Variants in PRRC1 observed in about 807,000 individuals in gnomAD.
PRRC1 encodes the protein proline rich coiled-coil 1, also known as protein PRRC1.
A neutral mutation model predicts 40.7 loss-of-function variants in PRRC1; 39 were observed. The ratio of observed to expected loss-of-function variants is 0.96; its 90% CI spans 0.74 to 1.25. The LOEUF (loss-of-function observed/expected upper bound fraction) is 1.25, where lower values mean the gene tolerates loss of function less well. PRRC1 is among the 50% of genes most tolerant of loss of function. The probability of loss-of-function intolerance (pLI) is 0.00; values close to 1 mark genes in which losing one functional copy is unlikely to be tolerated. For missense variants in PRRC1, 573 were observed against 548.3 expected (o/e 1.05, Z -0.45); for synonymous variants, 175 against 193.3 (o/e 0.91, Z 0.79).
rs139317539 is a variant in PRRC1 at position 127,554,655 on chromosome 5, T to C, written c.*2739T>C. On this transcript the variant is annotated 3_prime_UTR_variant, in exon 9 of 9. Transcript: ENST00000296666. ...TAATTTCCTCGTAATGATTCTGTTATTACTTTCCTATTCTTTATTCCTCTT... is the reference window on the plus strand; with the variant it reads ...TAATTTCCTCGTAATGATTCTGTTACTACTTTCCTATTCTTTATTCCTCTT... 3.9e-5 allele frequency: 6 copies of C among 152,728 alleles called. No individual in the cohort carries two copies. In the East Asian group the frequency reaches 9.6e-4, roughly 25 times the overall value. 9.5% of individuals were successfully genotyped at this position (152,728 alleles called of 1,614,324 possible).
At position 127,552,426 on chromosome 5, in the gene PRRC1, G is replaced by A. The variant is rs569224009; in HGVS notation, c.*510G>A. The A allele has an allele frequency of 1.3e-5, 13 of 987,068 alleles. No individual in the cohort carries two copies. The highest frequency in any genetic ancestry group is 5.2e-4 in the Middle Eastern group (1 of 1,914). The allele number at this position is 987,068 out of a possible 1,614,324, so 61.1% of individuals were successfully genotyped here. A position where few individuals can be genotyped will look rare whatever the true frequency, so the allele number is the denominator to read the frequency against. ...AGTCACTATAAGACACCTACTTGTC[G>A]GGAGATGTTCCACATTTCTGTGCAT... On this transcript the variant is annotated 3_prime_UTR_variant, in exon 9 of 9. Coordinates refer to ENST00000296666, the MANE Select transcript of PRRC1 (RefSeq NM_130809.5).
chr5:127,529,524 T>C (rs1767709157), intron 4 of PRRC1, among the ~76,000 whole-genome samples: 1 of 152,214 alleles, frequency 6.6e-6, no homozygotes, highest in Admixed American at 6.5e-5. Context: ...TTCAATTTTA[T>C]GAACTCATCT....
At chr5:127,531,617 C>CTTCTTT (rs1268819647) in intron 5 of PRRC1, among the ~76,000 whole-genome samples, 2 of 99,640 alleles carry the variant, frequency 2.0e-5, no homozygotes, top group African/African-American at 9.3e-5. Context: ...TCTTCTTCTT[C>CTTCTTT]TTTTTTTTTT....
intron 8 of PRRC1, 139 bp from the exon 9 acceptor site, chr5:127,551,566 TTG>T: frequency 1.2e-6 from 1 of 806,740 alleles, no homozygotes; most frequent in South Asian, 1.8e-5. Context: ...GTTGATATAG[TTG>T]GCAGCCTAGC....
At chr5:127,550,133 C>G (rs452097) in intron 8 of PRRC1, 2 of 151,594 alleles carry the variant, frequency 1.3e-5, no homozygotes. Context: ...AAAGATAACA[C>G]AGCAAACTGT....
chr5:127,539,217 AGTGTCTC>A lies in PRRC1; in HGVS notation c.1025+75_1025+81del, dbSNP rs1767974548. 3.7e-6 allele frequency: 4 copies of A among 1,084,098 alleles called. No homozygotes were observed. The African/African-American group carries it at 6.2e-5, about 17-fold the overall frequency. The allele number at this position is 1,084,098 out of a possible 1,614,324, so 67.2% of individuals were successfully genotyped here. On this transcript the variant is annotated intron_variant, in intron 7 of 8. Transcript: ENST00000296666. ...AGTTGACACTGAATACTTAGCAAAA[AGTGTCTC>A]CTGTTTTATAACCAGAGAGAAAAGT...
chr5:127,552,960 T>C lies in PRRC1; in HGVS notation c.*1044T>C, dbSNP rs1025986276. On this transcript the variant is annotated 3_prime_UTR_variant, in exon 9 of 9. Transcript: ENST00000296666. ...AATCTAGTTTATTTAGTCTACTGTA[T>C]TTCTATTTCGTGGAAGCCTTTTCCC... is the stretch of plus-strand genomic sequence containing the variant. 15 of 860,762 alleles carry C rather than the reference T, an allele frequency of 1.7e-5. No homozygotes were observed. Among genetic ancestry groups the C allele is most frequent in the Non-Finnish European group, 2.0e-5 (14 of 717,350 alleles). 53.3% of individuals were successfully genotyped at this position (860,762 alleles called of 1,614,324 possible).
chr5:127,536,770 A>G (rs1324657449), intron 6 of PRRC1, among the ~76,000 whole-genome samples: 1 of 152,076 alleles, frequency 6.6e-6, no homozygotes, highest in Non-Finnish European at 1.5e-5. Context: ...AAATTTACAA[A>G]TATGAATTCA....
intron 7 of PRRC1, among the ~76,000 whole-genome samples, chr5:127,544,508 C>T (rs1768154538): frequency 2.0e-5 from 3 of 152,246 alleles, no homozygotes; most frequent in Admixed American, 6.5e-5. Flanking sequence ...GCAGGCAGCC[C>T]TCCTTGAGCT....
intron 6 of PRRC1, among the ~76,000 whole-genome samples, chr5:127,536,207 A>G (rs888361163): frequency 1.3e-5 from 2 of 152,058 alleles, no homozygotes; most frequent in Non-Finnish European, 2.9e-5. Context: ...TACATTGCCA[A>G]TAAGAGTTTC....
Position 127,551,695 on chromosome 5 carries a change from A to G in PRRC1, c.1129-12A>G. On this transcript the variant is annotated splice_polypyrimidine_tract_variant and intron_variant, in intron 8 of 8. Transcript: ENST00000296666. ...ATGTATTATAAGTAATATCAATTTCATCTTTCCACAGGCTCAAAGTCTAAC... is the reference window on the plus strand; with the variant it reads ...ATGTATTATAAGTAATATCAATTTCGTCTTTCCACAGGCTCAAAGTCTAAC... The G allele has an allele frequency of 6.2e-7, 1 of 1,613,280 alleles. No individual in the cohort carries two copies.
chr5:127,519,902 T>C (rs754775086), intron 1 of PRRC1, among the ~76,000 whole-genome samples: 19 of 152,230 alleles, frequency 1.2e-4, no homozygotes, highest in Non-Finnish European at 1.5e-5. Context: ...CACATTGGCC[T>C]TCTGCAGTGT....
Position 127,546,587 on chromosome 5 carries a change from A to G in PRRC1, c.1026-1232A>G, listed in dbSNP as rs545813203. 6.6e-5 allele frequency among the ~76,000 whole-genome samples: 10 copies of G among 152,306 alleles called. No homozygotes were observed. In the East Asian group the frequency reaches 1.7e-3, roughly 26 times the overall value. ...GAGGAAGGGGAGGGTAATGTAGTGT[A>G]CTTCAGTCACAGTCTGAGCTGAGTC... On this transcript the variant is annotated intron_variant, in intron 7 of 8. Coordinates refer to ENST00000296666, the MANE Select transcript of PRRC1 (RefSeq NM_130809.5).
At chr5:127,538,733 A>G (rs1767961799) in intron 6 of PRRC1, among the ~76,000 whole-genome samples, 1 of 151,994 alleles carries the variant, frequency 6.6e-6, no homozygotes, top group South Asian at 2.1e-4. Flanking sequence ...TAAAAAATAC[A>G]GTTTTCTTAA....
intron 1 of PRRC1, among the ~76,000 whole-genome samples, chr5:127,520,888 T>G (rs1219796909): frequency 6.6e-6 from 1 of 152,248 alleles, no homozygotes; most frequent in Non-Finnish European, 1.5e-5. Context: ...AGTGTAGTTA[T>G]GTAAGATGCT....
intron 7 of PRRC1, among the ~76,000 whole-genome samples, chr5:127,539,920 A>G (rs1767995155): frequency 6.6e-6 from 1 of 151,898 alleles, no homozygotes; most frequent in Non-Finnish European, 1.5e-5. Context: ...ATAAAATTTC[A>G]GTGGAGGTAA....
chr5:127,548,021 T>C, intron 8 of PRRC1, 100 bp downstream of exon 8: 1 of 813,846 alleles, frequency 1.2e-6, no homozygotes, highest in Non-Finnish European at 2.2e-6. Flanking sequence ...AAATATGTTC[T>C]TGATTTTGTT....
intron 5 of PRRC1, among the ~76,000 whole-genome samples, chr5:127,531,605 A>C (rs1021165644): frequency 6.8e-5 from 8 of 117,656 alleles, no homozygotes; most frequent in South Asian, 2.7e-4. Context: ...AGGTGTTTTT[A>C]TTCTTCTTCT....
intron 5 of PRRC1, 55 bp from the exon 6 acceptor site, chr5:127,533,568 T>G: frequency 6.9e-7 from 1 of 1,448,302 alleles, no homozygotes; most frequent in Non-Finnish European, 9.6e-7. Flanking sequence ...TGGTAGTAAT[T>G]ATGAGAATTT....
Sources: gnomAD v4.1 joint callset for allele counts (sites outside exome capture counted in the v4.1 genomes callset) on GRCh38, gnomAD v4.1.1 for gene constraint, MANE v1.5 for transcripts, NCBI Gene and HGNC (gene_info 2026-07-23, HGNC 2026-07-21) for gene names.